Variants in RNF144A observed in about 807,000 individuals in gnomAD.
RNF144A encodes ring finger protein 144A, also known as E3 ubiquitin-protein ligase RNF144A.
RNF144A carries 11 observed loss-of-function variants against 38.7 expected under a neutral mutation model. That is an observed-to-expected ratio of 0.28 (90% CI 0.18 to 0.47). The LOEUF is 0.47. RNF144A is among the 20% of genes least tolerant of loss of function. The pLI, the probability that RNF144A is intolerant of heterozygous loss-of-function variation, is 0.99. For synonymous variants in RNF144A, 149 were observed against 143.9 expected, an observed-to-expected ratio of 1.04 and a Z score of -0.25; for missense variants, 316 against 377.2, an observed-to-expected ratio of 0.84 and a Z score of 1.34.
intron 2 of RNF144A, among the ~76,000 whole-genome samples, chr2:6,964,666 T>A (rs1237396532): frequency 6.6e-6 from 1 of 152,190 alleles, no homozygotes; most frequent in Admixed American, 6.5e-5. Flanking sequence ...TCATGTCCTT[T>A]GTAGGGACAT....
rs115815523 is a variant in RNF144A at position 7,051,521 on chromosome 2, G to A, written c.735-16695G>A. Among the ~76,000 whole-genome samples the A allele has an allele frequency of 3.7e-3, 569 of 152,264 alleles. 2 individuals carry two copies. The highest frequency in any genetic ancestry group is 0.013 in the African/African-American group (548 of 41,548). ...GGCCAGGACATGAGGTTAGGAAGCC[G>A]CCAAAAGGAGCAGCGAAGAGGAGAT... is the stretch of plus-strand genomic sequence containing the variant. On this transcript the variant is annotated intron_variant, in intron 6 of 6. Transcript: ENST00000432850.
intron 3 of RNF144A, among the ~76,000 whole-genome samples, chr2:7,007,198 A>G (rs550298283): frequency 1.1e-4 from 16 of 152,128 alleles, no homozygotes; most frequent in Non-Finnish European, 1.6e-4. Flanking sequence ...CCCTGCCCCA[A>G]TGTCAGCAGG....
rs1235843601 is a variant in RNF144A, at chr2:7,041,467, T to C, written c.*1707T>C. ...ACATTCAAAAAGCTCTCCTTGTAAT[T>C]GCAAGTTTAGTAACTCAGTAAGAAC... On this transcript the variant is annotated 3_prime_UTR_variant, in exon 9 of 9. Transcript: ENST00000320892. 2 of 985,838 alleles carry C rather than the reference T, an allele frequency of 2.0e-6. No homozygotes were observed. Among genetic ancestry groups the C allele is most frequent in the African/African-American group, 3.5e-5 (2 of 57,232 alleles). The allele number at this position is 985,838 out of a possible 1,614,324, so 61.1% of individuals were successfully genotyped here.
At chr2:6,939,607 T>G (rs1247662680) in intron 1 of RNF144A, among the ~76,000 whole-genome samples, 3 of 152,252 alleles carry the variant, frequency 2.0e-5, no homozygotes, top group Non-Finnish European at 2.9e-5. Context: ...TTTTTTCTTG[T>G]TTGAGCTTTT....
intron 2 of RNF144A, among the ~76,000 whole-genome samples, chr2:6,947,612 T>C (rs963696870): frequency 6.6e-6 from 1 of 152,234 alleles, no homozygotes; most frequent in Admixed American, 6.5e-5. Context: ...TGCCAGAAGT[T>C]ACATCATTTT....
chr2:7,008,983 T>TC lies in RNF144A; in HGVS notation c.136-5469dup, dbSNP rs540889585. On this transcript the variant is annotated intron_variant, in intron 3 of 8. Coordinates refer to ENST00000320892, the MANE Select transcript of RNF144A (RefSeq NM_014746.6). ...AAGAGAGTGTTTAACACAAAATCAT[T>TC]CCGTCCACATCTTCACTGAGCATCT... 3.4e-3 allele frequency among the ~76,000 whole-genome samples: 525 copies of TC among 152,262 alleles called. 1 individual carries two copies. The highest frequency in any genetic ancestry group is 5.7e-3 in the Non-Finnish European group (386 of 68,008).
rs1310184173 is a variant in RNF144A, at chr2:6,958,551, A to T, written c.-12+17404A>T. On this transcript the variant is annotated intron_variant, in intron 2 of 8. Coordinates refer to ENST00000320892, the MANE Select transcript of RNF144A (RefSeq NM_014746.6). The surrounding 1 kb of genome is among the most constrained non-coding windows in gnomAD (Gnocchi z 4.5). Reference sequence around the variant, plus strand: ...GCGCTGGCTCCTTCTGGGAGTTACAAATGTTGGGCTGTGACTAGCACCTTG... The same window carrying T: ...GCGCTGGCTCCTTCTGGGAGTTACATATGTTGGGCTGTGACTAGCACCTTG... 6.6e-6 allele frequency among the ~76,000 whole-genome samples: 1 copy of T among 151,916 alleles called. No individual in the cohort carries two copies. The highest frequency in any genetic ancestry group is 1.5e-5 in the Non-Finnish European group (1 of 67,980).
Position 7,007,307 on chromosome 2 carries a change from C to T in RNF144A, c.136-7147C>T, listed in dbSNP as rs116683869. Among the ~76,000 whole-genome samples, 433 of 152,334 alleles carry T rather than the reference C, an allele frequency of 2.8e-3. 1 individual carries two copies. Among genetic ancestry groups the T allele is most frequent in the African/African-American group, 0.01 (424 of 41,578 alleles). On this transcript the variant is annotated intron_variant, in intron 3 of 8. Coordinates refer to ENST00000320892, the MANE Select transcript of RNF144A (RefSeq NM_014746.6). ...ATGGGATAGAATGATCTTCAGTTGT[C>T]TGGAAAATTCAGATCTTCCCAACAG... is the stretch of plus-strand genomic sequence containing the variant.
intron 2 of RNF144A, among the ~76,000 whole-genome samples, chr2:6,950,516 T>A (rs1480904078): frequency 6.6e-6 from 1 of 152,214 alleles, no homozygotes; most frequent in Non-Finnish European, 1.5e-5. Context: ...AAATACCTGG[T>A]CCATAAGTGC....
In RNF144A at chr2:7,042,474, G is replaced by A. The variant is rs1673106483; in HGVS notation, c.*2714G>A. ...ACTAAGAGGCCTTTAATCCTGGGGAGTAAGGGGCGAAGGCCCTTAGACAAC... is the reference window on the plus strand; with the variant it reads ...ACTAAGAGGCCTTTAATCCTGGGGAATAAGGGGCGAAGGCCCTTAGACAAC... On this transcript the variant is annotated 3_prime_UTR_variant, in exon 9 of 9. Coordinates refer to ENST00000320892, the MANE Select transcript of RNF144A (RefSeq NM_014746.6). 29 of 985,416 alleles carry A rather than the reference G, an allele frequency of 2.9e-5. No individual in the cohort carries two copies. The highest frequency in any genetic ancestry group is 6.1e-5 in the Admixed American group (1 of 16,278). The allele number at this position is 985,416 out of a possible 1,614,324, so 61.0% of individuals were successfully genotyped here.
In RNF144A at chr2:6,970,690, C is replaced by G. The variant is rs1667952876; in HGVS notation, c.-11-26226C>G. Among the ~76,000 whole-genome samples, 3 of 152,144 alleles carry G rather than the reference C, an allele frequency of 2.0e-5. No homozygotes were observed. The South Asian group carries it at 6.2e-4, about 32-fold the overall frequency. ...AACTTGCCCAGGTCCCTTCAGAGAG[C>G]AGAGGCTGTGGTGGACAATGAGCCC... On this transcript the variant is annotated intron_variant, in intron 2 of 8. Coordinates refer to ENST00000320892, the MANE Select transcript of RNF144A (RefSeq NM_014746.6).
intron 8 of RNF144A, 41 bp downstream of exon 8, chr2:7,030,256 A>ACT: frequency 9.4e-7 from 1 of 1,067,684 alleles, no homozygotes; most frequent in Non-Finnish European, 1.4e-6. Flanking sequence ...TCAGAGAGAG[A>ACT]CTGTGTGTGT....
chr2:7,033,926 G>A (rs554568151), intron 8 of RNF144A, among the ~76,000 whole-genome samples: 43 of 152,318 alleles, frequency 2.8e-4, no homozygotes, highest in African/African-American at 1.0e-3. Flanking sequence ...TCTCCACAGG[G>A]CTAATGGTCC....
intron 8 of RNF144A, among the ~76,000 whole-genome samples, chr2:7,035,515 C>T (rs990520860): frequency 1.3e-5 from 2 of 152,188 alleles, no homozygotes; most frequent in Admixed American, 6.5e-5. Flanking sequence ...TGTCACTGAC[C>T]CTGCTGTGGG....
intron 2 of RNF144A, among the ~76,000 whole-genome samples, chr2:6,960,872 G>A (rs764778850): frequency 3.3e-5 from 5 of 152,078 alleles, no homozygotes; most frequent in Non-Finnish European, 7.3e-5. Context: ...AGGAAGAGCT[G>A]AAGAAAGTGC....
At chr2:6,954,384 C>T (rs929414658) in intron 2 of RNF144A, among the ~76,000 whole-genome samples, 4 of 152,090 alleles carry the variant, frequency 2.6e-5, no homozygotes, top group Non-Finnish European at 4.4e-5. Flanking sequence ...GCCTTAAATT[C>T]TCAGTTTCTA....
chr2:7,051,245 C>T (rs1191229108), intron 6 of RNF144A, among the ~76,000 whole-genome samples: 1 of 152,144 alleles, frequency 6.6e-6, no homozygotes, highest in African/African-American at 2.4e-5. Context: ...CACACCCATG[C>T]AAGTAAAGCC....
intron 3 of RNF144A, among the ~76,000 whole-genome samples, chr2:6,998,989 C>T (rs1286968930): frequency 6.6e-6 from 1 of 152,214 alleles, no homozygotes; most frequent in Non-Finnish European, 1.5e-5. Context: ...AGTTCATTCT[C>T]CCTGGCTTTT....
At chr2:7,073,842 G>T in the RNF144A span, among the ~76,000 whole-genome samples, 3 of 152,188 alleles carry the variant, frequency 2.0e-5, no homozygotes, top group Admixed American at 1.3e-4. Flanking sequence ...TTCAACCCAG[G>T]CCCTCCATCT....
Sources: allele counts gnomAD v4.1 joint callset (sites outside exome capture counted in the v4.1 genomes callset), GRCh38; gene constraint gnomAD v4.1.1; non-coding constraint Gnocchi (gnomAD v3.1); transcripts MANE v1.5; gene names NCBI Gene and HGNC (gene_info 2026-07-23, HGNC 2026-07-21).